Variants in PRPF6 observed in about 807,000 individuals in gnomAD.
PRPF6 encodes the protein pre-mRNA-processing factor 6.
PRPF6 carries 42 observed loss-of-function variants against 118.3 expected under a neutral mutation model. The ratio of observed to expected loss-of-function variants is 0.35; its 90% CI spans 0.28 to 0.46. The LOEUF is 0.46. Ranked by LOEUF, PRPF6 falls within the 20% of genes least tolerant of loss-of-function variation. The pLI, the probability that PRPF6 is intolerant of heterozygous loss-of-function variation, is 1.00. For synonymous variants in PRPF6, 481 were observed against 485.1 expected (o/e 0.99, Z 0.11); for missense variants, 662 against 1,255.7 (o/e 0.53, Z 7.15).
rs1190077522 is a variant in PRPF6, at chr20:64,011,079, A to C, written c.1306-206A>C. On this transcript the variant is annotated intron_variant, in intron 10 of 20. Coordinates refer to ENST00000266079, the MANE Select transcript of PRPF6 (RefSeq NM_012469.4). This position sits in a 1 kb window ranked among gnomAD's most constrained non-coding sequence, Gnocchi z 6.7. ...AACTGAGAATCTTTTGATGCTCACG[A>C]GAGTCACTAAATGAGTCAGAAGCAT... Among the ~76,000 whole-genome samples, 1 of 152,184 alleles carries C rather than the reference A, an allele frequency of 6.6e-6. No homozygotes were observed. Among genetic ancestry groups the C allele is most frequent in the Admixed American group, 6.6e-5 (1 of 15,260 alleles).
chr20:64,006,921 G>A (rs955545414), intron 9 of PRPF6, among the ~76,000 whole-genome samples: 2 of 152,224 alleles, frequency 1.3e-5, no homozygotes, highest in African/African-American at 2.4e-5. Flanking sequence ...AGTTGGTCAA[G>A]TGGACATCCA....
chr20:64,003,382 G>A (rs2123032752), intron 9 of PRPF6, among the ~76,000 whole-genome samples: 1 of 152,300 alleles, frequency 6.6e-6, no homozygotes, highest in East Asian at 1.9e-4. Flanking sequence ...GTGCTGATAG[G>A]ACCGTGCAGA....
Position 64,028,931 on chromosome 20 carries a change from C to T in PRPF6, c.2431+362C>T, listed in dbSNP as rs748425006. Reference sequence around the variant, plus strand: ...ATCTCAGCACTTTGAGAGACTGAGGCGGGAGGATTGCTTGAGTCCAGGAGT... The same window carrying T: ...ATCTCAGCACTTTGAGAGACTGAGGTGGGAGGATTGCTTGAGTCCAGGAGT... On this transcript the variant is annotated intron_variant, in intron 18 of 20. Transcript: ENST00000266079. The surrounding 1 kb of genome is among the most constrained non-coding windows in gnomAD (Gnocchi z 6.5). 2.0e-5 allele frequency among the ~76,000 whole-genome samples: 3 copies of T among 152,050 alleles called. No individual in the cohort carries two copies. Among genetic ancestry groups the T allele is most frequent in the Non-Finnish European group, 2.9e-5 (2 of 67,998 alleles).
chr20:64,028,818 G>T lies in PRPF6; in HGVS notation c.2431+249G>T, dbSNP rs1388901123. Among the ~76,000 whole-genome samples the T allele has an allele frequency of 6.6e-6, 1 of 152,172 alleles. No individual in the cohort carries two copies. The highest frequency in any genetic ancestry group is 2.4e-5 in the African/African-American group (1 of 41,436). On this transcript the variant is annotated intron_variant, in intron 18 of 20. Transcript: ENST00000266079. The surrounding 1 kb of genome is among the most constrained non-coding windows in gnomAD (Gnocchi z 6.5). ...TGAAATTCTTGGCCTCAAAATGGGA[G>T]AATTTGATTTCATTTCTGAAGTGTT...
intron 3 of PRPF6, 25 bp from the exon 4 acceptor site, chr20:63,993,382 G>GA (rs1338786201): frequency 1.3e-6 from 2 of 1,565,820 alleles, no homozygotes; most frequent in Non-Finnish European, 8.8e-7. Context: ...CAGTGTTTCT[G>GA]ATGTGTGCAT....
intron 2 of PRPF6, among the ~76,000 whole-genome samples, chr20:63,984,483 GC>G (rs199583771): frequency 2.0e-5 from 3 of 151,378 alleles, no homozygotes; most frequent in African/African-American, 2.4e-5. Flanking sequence ...CAAAAATAGT[GC>G]CCCCCCAAAA....
At chr20:63,981,651 CCCGCCCGCCCG>C (rs1404688069) in intron 1 of PRPF6, among the ~76,000 whole-genome samples, 2 of 144,078 alleles carry the variant, frequency 1.4e-5, no homozygotes, top group Non-Finnish European at 3.1e-5. Context: ...ACTCCCCCCC[CCCGCCCGCCCG>C]CCCGCCCCGC....
Position 64,010,325 on chromosome 20 carries a change from C to G in PRPF6, c.1305+7C>G, listed in dbSNP as rs1212511249. The G allele has an allele frequency of 6.2e-7, 1 of 1,610,978 alleles. No individual in the cohort carries two copies. Among genetic ancestry groups the G allele is most frequent in the South Asian group, 1.1e-5 (1 of 91,050 alleles). ...CTGCCCCACCAGCGTGGAGGTGAGT[C>G]TGGCGGGCTCAGGGCCACCAGAGCC... On this transcript the variant is annotated splice_region_variant and intron_variant, in intron 10 of 20. Coordinates refer to ENST00000266079, the MANE Select transcript of PRPF6 (RefSeq NM_012469.4).
rs1302701456 is a variant in PRPF6 at position 64,029,203 on chromosome 20, G to A, written c.2432-174G>A. ...GTGCCCTCAGGGCTGCCATGGTTTT[G>A]GGTGGGCCAGAGTGCTCATCCTTTG... On this transcript the variant is annotated intron_variant, in intron 18 of 20. Transcript: ENST00000266079. This position sits in a 1 kb window ranked among gnomAD's most constrained non-coding sequence, Gnocchi z 4.8. Among the ~76,000 whole-genome samples, 1 of 152,164 alleles carries A rather than the reference G, an allele frequency of 6.6e-6. No individual in the cohort carries two copies. The highest frequency in any genetic ancestry group is 1.5e-5 in the Non-Finnish European group (1 of 68,030).
At position 64,033,091 on chromosome 20, in the gene PRPF6, C is replaced by G; in HGVS notation, c.*98C>G. On this transcript the variant is annotated 3_prime_UTR_variant, in exon 21 of 21. Transcript: ENST00000266079. ...TCCTTCATTAAAAGTTTTTATGTCT[C>G]GTGTCAGAACAGGCAGCCTGCTGGT... The G allele has an allele frequency of 6.5e-7, 1 of 1,543,764 alleles. No homozygotes were observed. Among genetic ancestry groups the G allele is most frequent in the Non-Finnish European group, 8.8e-7 (1 of 1,133,136 alleles).
chr20:63,985,830 A>T (rs1448428582), intron 3 of PRPF6, among the ~76,000 whole-genome samples: 3 of 152,196 alleles, frequency 2.0e-5, no homozygotes, highest in African/African-American at 7.2e-5. Context: ...CAAATATTTG[A>T]AGAAGAACTA....
chr20:63,987,509 A>G (rs566900363), intron 3 of PRPF6, among the ~76,000 whole-genome samples: 11 of 152,232 alleles, frequency 7.2e-5, no homozygotes, highest in African/African-American at 2.4e-4. Context: ...GTAGGCCCAC[A>G]GCTCGTATCA....
At chr20:63,997,649 G>T (rs1257560412) in intron 6 of PRPF6, among the ~76,000 whole-genome samples, 2 of 152,104 alleles carry the variant, frequency 1.3e-5, no homozygotes, top group East Asian at 1.9e-4. Flanking sequence ...TAGAGACGGG[G>T]TTTCATCATG....
rs1267164235 is a variant in PRPF6 at position 64,026,714 on chromosome 20, G to T, written c.2029-268G>T. Among the ~76,000 whole-genome samples, 1 of 151,494 alleles carries T rather than the reference G, an allele frequency of 6.6e-6. No individual in the cohort carries two copies. Among genetic ancestry groups the T allele is most frequent in the East Asian group, 1.9e-4 (1 of 5,140 alleles). ...ACTTGGGAGGCTGAGGCAGGAGAAT[G>T]GTGTGAACCCAGCAGGTGGAGCTTG... On this transcript the variant is annotated intron_variant, in intron 15 of 20. Coordinates refer to ENST00000266079, the MANE Select transcript of PRPF6 (RefSeq NM_012469.4). This position sits in a 1 kb window ranked among gnomAD's most constrained non-coding sequence, Gnocchi z 4.4.
At chr20:64,012,957 C>CTTT (rs763243601) in intron 11 of PRPF6, among the ~76,000 whole-genome samples, 1 of 129,938 alleles carries the variant, frequency 7.7e-6, no homozygotes, top group Non-Finnish European at 1.7e-5. Context: ...CCCCCACACC[C>CTTT]TTTTTTTTTT....
At chr20:63,984,827 A>C in intron 2 of PRPF6, 80 bp from the exon 3 acceptor site, 1 of 1,019,936 alleles carries the variant, frequency 9.8e-7, no homozygotes, top group South Asian at 1.3e-5. Context: ...CAAGTATTTC[A>C]CAAGTAGAGA....
chr20:63,995,611 TCTC>T (rs2059138041), intron 6 of PRPF6, 129 bp downstream of exon 6: 1 of 1,085,278 alleles, frequency 9.2e-7, no homozygotes, highest in Non-Finnish European at 1.3e-6. Flanking sequence ...TTCTTCTCCT[TCTC>T]CTTTTTTTTT....
intron 1 of PRPF6, among the ~76,000 whole-genome samples, chr20:63,982,749 G>A (rs140049225): frequency 3.9e-5 from 6 of 152,258 alleles, no homozygotes; most frequent in Admixed American, 1.3e-4. Flanking sequence ...AGGTGGGCAC[G>A]GAAGAGCTCA....
rs2059294004 is a variant in PRPF6, at chr20:64,026,961, C to T, written c.2029-21C>T. On this transcript the variant is annotated intron_variant, in intron 15 of 20. Coordinates refer to ENST00000266079, the MANE Select transcript of PRPF6 (RefSeq NM_012469.4). The surrounding 1 kb of genome is among the most constrained non-coding windows in gnomAD (Gnocchi z 4.4). ...ACCCTGGAGCTGATGCCCTGCGTGA[C>T]AGTGCATGTCTGCCCCACAGGTGTT... 1 of 1,613,560 alleles carries T rather than the reference C, an allele frequency of 6.2e-7. No homozygotes were observed. The highest frequency in any genetic ancestry group is 1.7e-5 in the Admixed American group (1 of 59,990).
Sources: allele counts gnomAD v4.1 joint callset (sites outside exome capture counted in the v4.1 genomes callset), GRCh38; gene constraint gnomAD v4.1.1; non-coding constraint Gnocchi (gnomAD v3.1); transcripts MANE v1.5; gene names NCBI Gene and HGNC (gene_info 2026-07-23, HGNC 2026-07-21).